The following MYO5B variants were observed in gnomAD, a reference collection of about 807,000 sequenced individuals.
MYO5B encodes unconventional myosin-Vb.
In MYO5B, 143 loss-of-function variants were observed where a neutral mutation model predicts 229.3. That is an observed-to-expected ratio of 0.62 (90% confidence interval 0.54 to 0.72). MYO5B has a LOEUF of 0.72. Among genes scored for constraint, MYO5B ranks in the 30% least tolerant of loss-of-function variants. MYO5B has a pLI of 0.00. For synonymous variants in MYO5B, 918 were observed against 885.2 expected, an observed-to-expected ratio of 1.04 and a Z score of -0.66; for missense variants, 2,321 against 2,331.0, an observed-to-expected ratio of 1.00 and a Z score of 0.09.
chr18:50,184,192 G>GTTCT (rs1458404168), intron 1 of MYO5B, among the ~76,000 whole-genome samples: 1 of 152,184 alleles, frequency 6.6e-6, no homozygotes, highest in Admixed American at 6.5e-5. Flanking sequence ...AAAAGCAGGG[G>GTTCT]TTCTGCCTAC....
At chr18:50,164,260 T>C (rs552610775) in intron 1 of MYO5B, among the ~76,000 whole-genome samples, 1 of 152,360 alleles carries the variant, frequency 6.6e-6, no homozygotes, top group South Asian at 2.1e-4. Context: ...TCAGGTCTCA[T>C]TTCCACTCTA....
At position 49,823,861 on chromosome 18, in the gene MYO5B, C is replaced by G. The variant is rs550074587; in HGVS notation, c.*2610G>C. The G allele has an allele frequency of 5.9e-5, 9 of 152,694 alleles. No homozygotes were observed. The highest frequency in any genetic ancestry group is 1.3e-4 in the Non-Finnish European group (9 of 68,022). 9.5% of individuals were successfully genotyped at this position (152,694 alleles called of 1,614,324 possible). A position where few individuals can be genotyped will look rare whatever the true frequency, so the allele number is the denominator to read the frequency against. On this transcript the variant is annotated 3_prime_UTR_variant, in exon 40 of 40. Coordinates refer to ENST00000285039, the MANE Select transcript of MYO5B (RefSeq NM_001080467.3). ...TAATACTTAAAACACAAGTTTTGAT[C>G]TATAAATATTTGATTCTTAATATTT...
At chr18:50,151,539 C>T (rs906405234) in intron 1 of MYO5B, among the ~76,000 whole-genome samples, 2 of 152,180 alleles carry the variant, frequency 1.3e-5, no homozygotes, top group Non-Finnish European at 2.9e-5. Context: ...AATAAAGACT[C>T]CATCACTTTC....
intron 17 of MYO5B, among the ~76,000 whole-genome samples, chr18:49,914,328 C>T (rs1382097542): frequency 6.6e-6 from 1 of 152,184 alleles, no homozygotes; most frequent in African/African-American, 2.4e-5. Context: ...ACCCCCATAG[C>T]ACACCCTGTG....
intron 1 of MYO5B, among the ~76,000 whole-genome samples, chr18:50,084,686 C>A (rs112537887): frequency 0.11 from 16,126 of 152,122 alleles, 1,669 homozygotes; most frequent in African/African-American, 0.27. Flanking sequence ...ACAGTAACCA[C>A]AACAGCATGG....
At chr18:49,909,669 A>G (rs968145635) in intron 18 of MYO5B, among the ~76,000 whole-genome samples, 6 of 152,200 alleles carry the variant, frequency 3.9e-5, no homozygotes, top group African/African-American at 1.4e-4. Flanking sequence ...ATTACAACAT[A>G]AGGGGATGAA....
intron 25 of MYO5B, 114 bp from the exon 26 acceptor site, chr18:49,875,941 A>C: frequency 8.1e-7 from 1 of 1,236,970 alleles, no homozygotes; most frequent in Non-Finnish European, 1.2e-6. Context: ...TCTCCTCCCA[A>C]ACATCAATTT....
At chr18:50,042,467 C>CT (rs1040951366) in intron 2 of MYO5B, among the ~76,000 whole-genome samples, 1 of 152,032 alleles carries the variant, frequency 6.6e-6, no homozygotes, top group Admixed American at 6.6e-5. Flanking sequence ...AATGAAGCCT[C>CT]TTTTTTTGTG....
At chr18:49,863,929 A>G (rs1200018941) in intron 28 of MYO5B, among the ~76,000 whole-genome samples, 1 of 152,216 alleles carries the variant, frequency 6.6e-6, no homozygotes, top group Non-Finnish European at 1.5e-5. Context: ...TAACTTCAGA[A>G]GAGTCCAGAA....
intron 32 of MYO5B, 93 bp from the exon 33 acceptor site, chr18:49,847,382 G>C (rs1436691751): frequency 6.7e-7 from 1 of 1,488,270 alleles, no homozygotes; most frequent in Non-Finnish European, 9.1e-7. Context: ...GATGGGACCT[G>C]GGGCAGGGGA....
Position 49,898,329 on chromosome 18 carries a change from C to T in MYO5B, c.2812-3155G>A, listed in dbSNP as rs1329239162. On this transcript the variant is annotated intron_variant, in intron 21 of 39. Transcript: ENST00000285039. ...AAATTGATTTAAAAGGCTACTGACT[C>T]CATATATTTGTGTCATATTTCTCAT... Among the ~76,000 whole-genome samples, 3 of 152,164 alleles carry T rather than the reference C, an allele frequency of 2.0e-5. No homozygotes were observed. The East Asian group carries it at 5.8e-4, about 29-fold the overall frequency.
chr18:49,912,561 C>T (rs918678997), intron 17 of MYO5B, among the ~76,000 whole-genome samples: 2 of 152,132 alleles, frequency 1.3e-5, no homozygotes, highest in South Asian at 2.1e-4. Context: ...GTGTGGTTTC[C>T]CCCATACTGT....
chr18:50,194,171 T>G (rs1195975550), intron 1 of MYO5B, among the ~76,000 whole-genome samples: 1 of 152,174 alleles, frequency 6.6e-6, no homozygotes, highest in Non-Finnish European at 1.5e-5. Flanking sequence ...ACCCATTGCT[T>G]ACCCTCACTC....
At chr18:50,046,630 G>C (rs910888387) in intron 2 of MYO5B, among the ~76,000 whole-genome samples, 1 of 152,154 alleles carries the variant, frequency 6.6e-6, no homozygotes, top group Non-Finnish European at 1.5e-5. Flanking sequence ...CAAAGCTTAA[G>C]TCCACTTACC....
rs1304631226 is a variant in MYO5B at position 49,936,347 on chromosome 18, G to A, written c.1908C>T (p.Phe636=). 5.0e-6 allele frequency: 8 copies of A among 1,587,934 alleles called. No individual in the cohort carries two copies. Among genetic ancestry groups the A allele is most frequent in the Non-Finnish European group, 6.9e-6 (8 of 1,164,900 alleles). The stretch of plus-strand genomic sequence containing the variant: ...CCATGAGCAGATGCAGGGAGGTACG[G>A]AACTAGAGAGACAAAAGCCAGTGCT... ...KEHKKTVGHQ[F]RTSLHLLMET... is the part of the protein sequence containing the mutation. Residue 636 remains phenylalanine, a splice_region_variant and synonymous_variant, in exon 16 of 40, where the codon TTC becomes TTT. Coordinates refer to ENST00000285039, the MANE Select transcript of MYO5B (RefSeq NM_001080467.3).
At chr18:49,906,758 A>G (rs2024904668) in intron 18 of MYO5B, 128 bp from the exon 19 acceptor site, 1 of 809,188 alleles carries the variant, frequency 1.2e-6, no homozygotes, top group South Asian at 1.7e-5. Context: ...CTGTAGATGG[A>G]CACAAAGTCT....
chr18:50,068,044 T>TATAC (rs1555656013), intron 1 of MYO5B, among the ~76,000 whole-genome samples: 10 of 147,984 alleles, frequency 6.8e-5, no homozygotes, highest in Admixed American at 2.7e-4. Flanking sequence ...TACACACATA[T>TATAC]ACACACACAC....
intron 28 of MYO5B, 22 bp downstream of exon 28, chr18:49,864,119 C>T: frequency 1.2e-6 from 2 of 1,604,064 alleles, no homozygotes; most frequent in South Asian, 1.1e-5. Flanking sequence ...GGCAGCCCCA[C>T]CGCGGGCCGC....
chr18:50,050,074 T>C (rs2030351797), intron 2 of MYO5B, among the ~76,000 whole-genome samples: 1 of 152,216 alleles, frequency 6.6e-6, no homozygotes, highest in Non-Finnish European at 1.5e-5. Flanking sequence ...TTATACTTTA[T>C]GCTGAAACAT....
Sources: allele counts gnomAD v4.1 joint callset (sites outside exome capture counted in the v4.1 genomes callset), GRCh38; gene constraint gnomAD v4.1.1; transcripts MANE v1.5; gene names NCBI Gene and HGNC (gene_info 2026-07-23, HGNC 2026-07-21).